Variants in TTC6 observed in about 807,000 individuals in gnomAD.
TTC6 encodes the protein tetratricopeptide repeat domain 6.
In TTC6, 172 loss-of-function variants were observed where a neutral mutation model predicts 210.4. That is an observed-to-expected ratio of 0.82 (90% CI 0.72 to 0.93). TTC6 has a LOEUF of 0.93. Ranked by LOEUF, TTC6 falls within the 40% of genes least tolerant of loss-of-function variation. The pLI is 0.00. For missense variants in TTC6, 2,414 were observed against 2,318.1 expected, an observed-to-expected ratio of 1.04 and a Z score of -0.85; for synonymous variants, 804 against 819.6, an observed-to-expected ratio of 0.98 and a Z score of 0.32.
In TTC6 at chr14:37,833,361, T is replaced by C. The variant is rs187725416; in HGVS notation, c.5298+5995T>C. On this transcript the variant is annotated intron_variant, in intron 29 of 30. Transcript: ENST00000553443. ...CTTAACTGATCTCTTTATCATTATA[T>C]AATGACATTGTTAGTCTCTTCTTAT... 2.8e-4 allele frequency among the ~76,000 whole-genome samples: 42 copies of C among 152,350 alleles called. 1 individual carries two copies. In the East Asian group the frequency reaches 7.9e-3, roughly 29 times the overall value.
At chr14:37,754,440 T>TC (rs2095961641) in intron 14 of TTC6, among the ~76,000 whole-genome samples, 1 of 151,872 alleles carries the variant, frequency 6.6e-6, no homozygotes, top group South Asian at 2.1e-4. Flanking sequence ...TTTCTTTCTT[T>TC]TTTTTTTTTG....
intron 7 of TTC6, among the ~76,000 whole-genome samples, chr14:37,730,195 A>G (rs960734857): frequency 2.0e-5 from 3 of 152,184 alleles, no homozygotes; most frequent in African/African-American, 7.2e-5. Context: ...TATTTTTAAA[A>G]AGCAAATTTA....
At chr14:37,787,784 G>C in intron 15 of TTC6, 147 bp downstream of exon 17, 3 of 557,576 alleles carry the variant, frequency 5.4e-6, no homozygotes, top group Non-Finnish European at 5.6e-6. Flanking sequence ...TATTACATGA[G>C]CTTACGCATT....
Position 37,640,213 on chromosome 14 carries a change from T to C in TTC6, c.939+17210T>C, listed in dbSNP as rs2095689203. On this transcript the variant is annotated intron_variant, in intron 1 of 30. Coordinates refer to ENST00000553443, the Ensembl canonical transcript of TTC6. ...ATTATAGAATGCATGTATATTGTTT[T>C]CCATTTCTTAGTACAGGTGCTACCC... 2.0e-5 allele frequency among the ~76,000 whole-genome samples: 3 copies of C among 152,078 alleles called. No individual in the cohort carries two copies. In the South Asian group the frequency reaches 6.2e-4, roughly 31 times the overall value.
intron 29 of TTC6, among the ~76,000 whole-genome samples, chr14:37,834,410 A>G (rs1555404778): frequency 6.6e-6 from 1 of 152,058 alleles, no homozygotes; most frequent in Non-Finnish European, 1.5e-5. Context: ...TTTCATTTCT[A>G]AAGACCTGTC....
intron 1 of TTC6, among the ~76,000 whole-genome samples, chr14:37,633,210 A>G (rs866655992): frequency 2.0e-5 from 3 of 152,174 alleles, no homozygotes; most frequent in Non-Finnish European, 2.9e-5. Context: ...GTCTGCCCAA[A>G]TGGCCACCCG....
chr14:37,736,183 A>T (rs1026391322), intron 8 of TTC6, among the ~76,000 whole-genome samples, 173 bp downstream of exon 10: 5 of 151,950 alleles, frequency 3.3e-5, no homozygotes, highest in African/African-American at 1.2e-4. Context: ...GCCAGGAGTT[A>T]CAGACCAGCC....
chr14:37,815,670 G>A (rs185934050), intron 25 of TTC6, among the ~76,000 whole-genome samples: 2 of 152,286 alleles, frequency 1.3e-5, no homozygotes, highest in Admixed American at 1.3e-4. Flanking sequence ...GGCATGTGAA[G>A]TGGTAGTGTG....
At chr14:37,618,131 T>A (rs2095645666), upstream of TTC6, among the ~76,000 whole-genome samples, 1 of 152,202 alleles carries the variant, frequency 6.6e-6, no homozygotes, top group South Asian at 2.1e-4. Context: ...GAGCAAAGTT[T>A]TGGATTTTCC....
chr14:37,650,208 A>G (rs1272797830), intron 1 of TTC6, among the ~76,000 whole-genome samples: 2 of 152,298 alleles, frequency 1.3e-5, no homozygotes, highest in East Asian at 3.9e-4. Context: ...GACGAAGGGC[A>G]CCATTTTGGA....
At chr14:37,803,709 C>A (rs2096112170) in intron 20 of TTC6, among the ~76,000 whole-genome samples, 1 of 151,940 alleles carries the variant, frequency 6.6e-6, no homozygotes, top group Non-Finnish European at 1.5e-5. Flanking sequence ...GAAAGCAATT[C>A]AAAGACAGGA....
At chr14:37,696,763 G>A (rs551122113) in exon 4 of TTC6, 24 of 1,465,992 alleles carry the variant, frequency 1.6e-5, no homozygotes, top group African/African-American at 1.0e-4. Context: ...GAAATTAAGC[G>A]AATGCGGAAA....
At chr14:37,621,863 T>G (rs2095651621), upstream of TTC6, among the ~76,000 whole-genome samples, 1 of 152,032 alleles carries the variant, frequency 6.6e-6, no homozygotes, top group South Asian at 2.1e-4. Context: ...TTTTTCATGG[T>G]TCTTGTGAAA....
chr14:37,733,218 TGATA>T (rs1410841447), intron 7 of TTC6, among the ~76,000 whole-genome samples: 2 of 152,228 alleles, frequency 1.3e-5, no homozygotes, highest in Non-Finnish European at 2.9e-5. Flanking sequence ...GCTTTTACTT[TGATA>T]GATCCTTAGC....
chr14:37,604,909 A>G (rs958515051), intron 1 of TTC6, among the ~76,000 whole-genome samples: 2 of 152,322 alleles, frequency 1.3e-5, no homozygotes, highest in East Asian at 3.9e-4. Flanking sequence ...AGATGTCATT[A>G]TATCAAGGAA....
intron 5 of TTC6, among the ~76,000 whole-genome samples, chr14:37,711,735 A>G (rs191497246): frequency 1.2e-3 from 184 of 152,194 alleles, no homozygotes; most frequent in Middle Eastern, 0.01. Context: ...GGGGTGACTG[A>G]TAACAACAGT....
chr14:37,777,790 G>A (rs1039277100), intron 14 of TTC6, among the ~76,000 whole-genome samples: 5 of 96,798 alleles, frequency 5.2e-5, no homozygotes, highest in Non-Finnish European at 8.6e-5. Flanking sequence ...TTTTTTTTTT[G>A]ATGCTTTTAT....
chr14:37,745,101 T>C (rs917224001), intron 10 of TTC6, among the ~76,000 whole-genome samples: 1 of 152,034 alleles, frequency 6.6e-6, no homozygotes, highest in Admixed American at 6.6e-5. Flanking sequence ...GAGAGAGTTG[T>C]CCCTGCCATA....
At chr14:37,829,293 T>G (rs2096179332) in intron 29 of TTC6, among the ~76,000 whole-genome samples, 1 of 152,034 alleles carries the variant, frequency 6.6e-6, no homozygotes, top group South Asian at 2.1e-4. Context: ...TTGATCTTAG[T>G]TCTGTTATTT....
Sources: gnomAD v4.1 joint callset for allele counts (sites outside exome capture counted in the v4.1 genomes callset) on GRCh38, gnomAD v4.1.1 for gene constraint, MANE v1.5 for transcripts, NCBI Gene and HGNC (gene_info 2026-07-23, HGNC 2026-07-21) for gene names.